The following CLVS1 variants were observed in gnomAD, a reference collection of about 807,000 sequenced individuals.
CLVS1 encodes clavesin 1, also known as clavesin-1.
Under a neutral mutation model 33.1 loss-of-function variants are expected in CLVS1, and 10 were observed. The observed-to-expected ratio is 0.30, with a 90% CI of 0.19 to 0.51. CLVS1 has a LOEUF of 0.51. Among genes scored for constraint, CLVS1 ranks in the 20% least tolerant of loss-of-function variants. CLVS1 has a pLI of 0.97. For synonymous variants in CLVS1, 163 were observed against 166.1 expected, an observed-to-expected ratio of 0.98 and a Z score of 0.14; for missense variants, 343 against 433.4, an observed-to-expected ratio of 0.79 and a Z score of 1.85.
chr8:61,336,101 C>T (rs538504597), intron 2 of CLVS1, among the ~76,000 whole-genome samples: 4 of 152,216 alleles, frequency 2.6e-5, no homozygotes, highest in Non-Finnish European at 2.9e-5. Flanking sequence ...TCCCACTCTA[C>T]GCTGCTAACC....
At chr8:60,965,509 T>C in the CLVS1 span, 5 of 151,994 alleles carry the variant, frequency 3.3e-5, no homozygotes, top group African/African-American at 1.2e-4. Context: ...AGGAGGGGGA[T>C]AGATGACAGT....
At chr8:61,344,998 A>G (rs1477568426) in intron 2 of CLVS1, among the ~76,000 whole-genome samples, 1 of 152,174 alleles carries the variant, frequency 6.6e-6, no homozygotes, top group Non-Finnish European at 1.5e-5. Context: ...CCAAAAGGCA[A>G]ATGTGGATTT....
At chr8:61,214,189 C>T (rs374985366) in intron 2 of CLVS1, among the ~76,000 whole-genome samples, 4 of 152,154 alleles carry the variant, frequency 2.6e-5, no homozygotes, top group Non-Finnish European at 4.4e-5. Flanking sequence ...AATTTCACCT[C>T]GGTCCTGTGG....
the CLVS1 span, among the ~76,000 whole-genome samples, chr8:61,023,800 G>A: frequency 6.6e-6 from 1 of 152,252 alleles, no homozygotes; most frequent in East Asian, 1.9e-4. Flanking sequence ...ATCAGAGACA[G>A]GACAGAGCTC....
intron 5 of CLVS1, among the ~76,000 whole-genome samples, chr8:61,472,383 G>A (rs371286871): frequency 1.3e-5 from 2 of 151,948 alleles, no homozygotes; most frequent in East Asian, 1.9e-4. Flanking sequence ...GGGAGGAGAA[G>A]GAGGGAAACA....
intron 3 of CLVS1, among the ~76,000 whole-genome samples, chr8:61,445,669 T>C (rs2129606485): frequency 6.6e-6 from 1 of 152,350 alleles, no homozygotes; most frequent in East Asian, 1.9e-4. Flanking sequence ...ACAAAGGTAA[T>C]ACTAGCTTCA....
the CLVS1 span, among the ~76,000 whole-genome samples, chr8:61,012,302 ACT>A: frequency 6.6e-6 from 1 of 151,728 alleles, no homozygotes; most frequent in Non-Finnish European, 1.5e-5. Context: ...GCTCTTTTGC[ACT>A]CTCTCTCTTT....
intron 2 of CLVS1, among the ~76,000 whole-genome samples, chr8:61,238,111 T>C (rs1325169576): frequency 1.3e-5 from 2 of 152,232 alleles, no homozygotes; most frequent in African/African-American, 4.8e-5. Context: ...GGGGGTCCTA[T>C]AGAAGATCTA....
chr8:61,262,218 G>A (rs1809220691), intron 2 of CLVS1, among the ~76,000 whole-genome samples: 1 of 152,076 alleles, frequency 6.6e-6, no homozygotes, highest in African/African-American at 2.4e-5. Flanking sequence ...GTCTCACTGT[G>A]TTGCCCAGGC....
the CLVS1 span, chr8:60,967,911 C>A: frequency 3.2e-6 from 1 of 313,326 alleles, no homozygotes; most frequent in Non-Finnish European, 6.3e-6. Context: ...TCCACACACC[C>A]GTGGACTAAT....
intron 2 of CLVS1, among the ~76,000 whole-genome samples, chr8:61,261,996 G>GTGTGTGTGTGTGTGTA (rs1809214993): frequency 7.1e-6 from 1 of 140,668 alleles, no homozygotes; most frequent in African/African-American, 2.5e-5. Context: ...GTGTGTGTGT[G>GTGTGTGTGTGTGTGTA]TGTGTGTGTG....
chr8:61,193,502 A>G (rs1807538512), intron 2 of CLVS1, among the ~76,000 whole-genome samples: 1 of 142,424 alleles, frequency 7.0e-6, no homozygotes, highest in Non-Finnish European at 1.6e-5. Context: ...CATGTGCCCT[A>G]GAACTTAAAG....
At chr8:61,002,392 T>C in the CLVS1 span, among the ~76,000 whole-genome samples, 1 of 146,804 alleles carries the variant, frequency 6.8e-6, no homozygotes, top group Non-Finnish European at 1.5e-5. Flanking sequence ...TGAAGTGGCA[T>C]GATCTTGGCT....
upstream of CLVS1, among the ~76,000 whole-genome samples, chr8:61,053,659 G>A (rs555267265): frequency 2.8e-4 from 42 of 152,084 alleles, no homozygotes; most frequent in African/African-American, 7.2e-4. Context: ...GTTCAGAGAC[G>A]GGACATGTGG....
At chr8:61,005,733 A>G in the CLVS1 span, among the ~76,000 whole-genome samples, 1 of 152,200 alleles carries the variant, frequency 6.6e-6, no homozygotes, top group African/African-American at 2.4e-5. Flanking sequence ...CCTTTAAAAT[A>G]AAACTTCCCA....
chr8:61,418,638 C>T (rs76070253), intron 3 of CLVS1, among the ~76,000 whole-genome samples: 1 of 152,090 alleles, frequency 6.6e-6, no homozygotes, highest in African/African-American at 2.4e-5. Context: ...TTTTTTCCCA[C>T]TCAATATATT....
chr8:61,295,122 C>G (rs999692937), intron 1 of CLVS1, among the ~76,000 whole-genome samples: 1 of 152,174 alleles, frequency 6.6e-6, no homozygotes, highest in African/African-American at 2.4e-5. Context: ...CCACCTTGGC[C>G]TTGCCGGAGA....
At chr8:61,063,081 T>C (rs929847709) in intron 1 of CLVS1, among the ~76,000 whole-genome samples, 1 of 152,176 alleles carries the variant, frequency 6.6e-6, no homozygotes, top group African/African-American at 2.4e-5. Context: ...AAAGGTTAAA[T>C]ATCTTGCTCA....
At chr8:61,153,494 G>C (rs2129295271) in intron 2 of CLVS1, among the ~76,000 whole-genome samples, 1 of 152,246 alleles carries the variant, frequency 6.6e-6, no homozygotes, top group South Asian at 2.1e-4. Flanking sequence ...AGGGTCAATG[G>C]TGTGAAGAAA....
Sources: allele counts gnomAD v4.1 joint callset (sites outside exome capture counted in the v4.1 genomes callset), GRCh38; gene constraint gnomAD v4.1.1; transcripts MANE v1.5; gene names NCBI Gene and HGNC (gene_info 2026-07-23, HGNC 2026-07-21).